The following API5 variants were observed in gnomAD, a reference collection of about 807,000 sequenced individuals.
API5 encodes apoptosis inhibitor 5.
A neutral mutation model predicts 71.9 loss-of-function variants in API5; 6 were observed. The ratio of observed to expected loss-of-function variants is 0.08; its 90% CI spans 0.05 to 0.16. API5 has a LOEUF of 0.16. Among genes scored for constraint, API5 ranks in the 10% least tolerant of loss-of-function variants. The pLI is 1.00. For missense variants in API5, 332 were observed against 612.8 expected, an observed-to-expected ratio of 0.54 and a Z score of 4.84; for synonymous variants, 189 against 221.3, an observed-to-expected ratio of 0.85 and a Z score of 1.30.
chr11:43,320,042 CTTTTTTTT>C lies in API5; in HGVS notation c.232-765_232-758del, dbSNP rs368783012. On this transcript the variant is annotated intron_variant, in intron 2 of 13. Transcript: ENST00000531273. ...AAGATTAAATTGGAGCAAATTCTCT[CTTTTTTTT>C]TTTTTTTTTTTTTGAGAAGGAGCCT... 2.8e-4 allele frequency among the ~76,000 whole-genome samples: 34 copies of C among 120,154 alleles called. No homozygotes were observed. In the Middle Eastern group the frequency reaches 0.027, roughly 96 times the overall value. The allele number at this position is 120,154 out of a possible 152,430, so 78.8% of individuals were successfully genotyped here.
At chr11:43,336,125 C>T (rs762384911) in intron 13 of API5, 131 bp downstream of exon 13, 183 of 1,219,208 alleles carry the variant, frequency 1.5e-4, no homozygotes, top group Non-Finnish European at 1.9e-4. Flanking sequence ...GCTTGGAGAA[C>T]TAGGGCTGTT....
chr11:43,337,318 C>G (rs559210366), intron 13 of API5, among the ~76,000 whole-genome samples: 1 of 152,026 alleles, frequency 6.6e-6, no homozygotes, highest in Admixed American at 6.6e-5. Context: ...CAAGCAAGAC[C>G]CTGTCTCTTA....
At chr11:43,320,634 G>A (rs1359059590) in intron 2 of API5, among the ~76,000 whole-genome samples, 187 bp from the exon 3 acceptor site, 4 of 151,734 alleles carry the variant, frequency 2.6e-5, no homozygotes, top group African/African-American at 9.7e-5. Flanking sequence ...GGGAGGCTAA[G>A]GCAAGAGGCT....
chr11:43,337,007 CAAAAAAAAAA>C (rs559170436), intron 13 of API5, among the ~76,000 whole-genome samples: 19 of 66,856 alleles, frequency 2.8e-4, no homozygotes, highest in South Asian at 1.6e-3. Flanking sequence ...GACTCCGTCT[CAAAAAAAAAA>C]AAAAAAAAAA....
intron 13 of API5, among the ~76,000 whole-genome samples, chr11:43,341,577 G>C (rs1449335612): frequency 6.6e-6 from 1 of 152,122 alleles, no homozygotes; most frequent in African/African-American, 2.4e-5. Flanking sequence ...GCATACTAGA[G>C]GCTGAGAAGA....
chr11:43,320,742 A>AG (rs1854859479), intron 2 of API5, 79 bp from the exon 3 acceptor site: 1 of 1,275,066 alleles, frequency 7.8e-7, no homozygotes, highest in Non-Finnish European at 1.1e-6. Flanking sequence ...AAAAAAAAAA[A>AG]AAAGAAAGAA....
intron 12 of API5, 33 bp downstream of exon 12, chr11:43,335,387 T>TG: frequency 4.5e-6 from 6 of 1,347,216 alleles, no homozygotes; most frequent in African/African-American, 1.5e-5. Context: ...ATTTAAGTGT[T>TG]ATCAAAACTT....
At chr11:43,333,390 C>G (rs1255470562) in intron 11 of API5, among the ~76,000 whole-genome samples, 1 of 152,070 alleles carries the variant, frequency 6.6e-6, no homozygotes, top group Non-Finnish European at 1.5e-5. Context: ...AGAATTACAC[C>G]AAAGAATGCT....
chr11:43,326,919 A>G (rs1381138339), intron 7 of API5, among the ~76,000 whole-genome samples: 1 of 152,224 alleles, frequency 6.6e-6, no homozygotes, highest in Admixed American at 6.5e-5. Flanking sequence ...CCAATTTTAA[A>G]CTGGATTAAC....
At chr11:43,320,150 A>G (rs967394425) in intron 2 of API5, among the ~76,000 whole-genome samples, 7 of 146,758 alleles carry the variant, frequency 4.8e-5, no homozygotes, top group Admixed American at 2.8e-4. Context: ...GGTTCAAGCG[A>G]TTCTTCTGTC....
intron 1 of API5, among the ~76,000 whole-genome samples, chr11:43,315,707 T>C (rs1854645467): frequency 6.6e-6 from 1 of 152,124 alleles, no homozygotes; most frequent in Admixed American, 6.6e-5. Context: ...GTTCTGCCTA[T>C]GCGTTCATCC....
chr11:43,319,364 T>C (rs771237953), intron 2 of API5, among the ~76,000 whole-genome samples: 1 of 152,228 alleles, frequency 6.6e-6, no homozygotes, highest in East Asian at 1.9e-4. Context: ...TTAGCTCTTG[T>C]CTTTTCAGAT....
intron 13 of API5, among the ~76,000 whole-genome samples, chr11:43,338,195 T>C (rs1855497729): frequency 6.6e-6 from 1 of 152,256 alleles, no homozygotes; most frequent in Admixed American, 6.5e-5. Context: ...TCATAGGTAT[T>C]CTCACAACAA....
intron 13 of API5, among the ~76,000 whole-genome samples, chr11:43,342,141 C>CA (rs1025338490): frequency 4.6e-5 from 7 of 152,054 alleles, no homozygotes; most frequent in African/African-American, 7.2e-5. Context: ...CAAGACCCTC[C>CA]AAAAAAAGTG....
In API5 at chr11:43,326,580, C is replaced by T. The variant is rs1474471210; in HGVS notation, c.824C>T (p.Thr275Ile). 7.5e-6 allele frequency: 12 copies of T among 1,608,664 alleles called. No homozygotes were observed. In the Admixed American group the frequency reaches 1.5e-4, roughly 20 times the overall value. ...QVLPNLGTLT[T>I]PVEGLDIQLE... ...CTCCCTAACCTCGGTACCTTGACTA[C>T]CCCAGTGGAAGGTCTTGATATACAG... Residue 275 changes from threonine (T) to isoleucine (I), a missense_variant, in exon 7 of 14, where the codon ACC becomes ATC. Physicochemically the swap from Thr to Ile is moderately conservative, Grantham distance 89. Coordinates refer to ENST00000531273, the MANE Select transcript of API5 (RefSeq NM_001142930.2).
At chr11:43,338,175 T>C (rs545549388) in intron 13 of API5, among the ~76,000 whole-genome samples, 1 of 152,382 alleles carries the variant, frequency 6.6e-6, no homozygotes, top group Admixed American at 6.5e-5. Context: ...GAGAATTTAA[T>C]GTGATCAGGT....
At chr11:43,312,721 G>A (rs559477545) in intron 1 of API5, among the ~76,000 whole-genome samples, 2 of 152,224 alleles carry the variant, frequency 1.3e-5, no homozygotes, top group South Asian at 4.2e-4. Context: ...CATTTATTCA[G>A]TGCATTTTTT....
intron 3 of API5, 40 bp from the exon 4 acceptor site, chr11:43,321,371 A>G: frequency 2.6e-6 from 4 of 1,517,264 alleles, no homozygotes; most frequent in South Asian, 2.3e-5. Flanking sequence ...GATATTTTAA[A>G]TTTGTTTTAT....
At chr11:43,332,256 T>TA (rs1855282652) in intron 11 of API5, among the ~76,000 whole-genome samples, 1 of 152,214 alleles carries the variant, frequency 6.6e-6, no homozygotes, top group Non-Finnish European at 1.5e-5. Flanking sequence ...TAAATAGTTC[T>TA]GCAGTGGATA....
Sources: allele counts gnomAD v4.1 joint callset (sites outside exome capture counted in the v4.1 genomes callset), GRCh38; gene constraint gnomAD v4.1.1; transcripts MANE v1.5; gene names NCBI Gene and HGNC (gene_info 2026-07-23, HGNC 2026-07-21).